CDH17: variants seen among roughly 807,000 people sequenced by gnomAD.
CDH17 encodes the protein cadherin 17, also known as cadherin-17.
In CDH17, 67 loss-of-function variants were observed where a neutral mutation model predicts 86.3. That is an observed-to-expected ratio of 0.78 (90% CI 0.64 to 0.95). The LOEUF (loss-of-function observed/expected upper bound fraction) is 0.95. CDH17 is among the 40% of genes least tolerant of loss of function. CDH17 has a pLI of 0.00. For synonymous variants in CDH17, 367 were observed against 366.4 expected, an observed-to-expected ratio of 1.00 and a Z score of -0.02; for missense variants, 993 against 1,017.6, an observed-to-expected ratio of 0.98 and a Z score of 0.33.
chr8:94,133,368 G>C (rs1041103641), intron 15 of CDH17, among the ~76,000 whole-genome samples: 4 of 152,144 alleles, frequency 2.6e-5, no homozygotes, highest in African/African-American at 4.8e-5. Context: ...TCTCCTTGAA[G>C]AGGTCCTTCA....
At chr8:94,210,407 C>T (rs1814105407), upstream of CDH17, among the ~76,000 whole-genome samples, 1 of 152,060 alleles carries the variant, frequency 6.6e-6, no homozygotes, top group Non-Finnish European at 1.5e-5. Flanking sequence ...GCCTAAACCA[C>T]CCATCAGAGA....
intron 17 of CDH17, among the ~76,000 whole-genome samples, chr8:94,128,723 C>T (rs1284007770): frequency 6.6e-6 from 1 of 152,158 alleles, no homozygotes; most frequent in African/African-American, 2.4e-5. Flanking sequence ...TATTCTTCCC[C>T]TTTCCTAGAG....
At chr8:94,198,504 A>T (rs1230592852) in intron 1 of CDH17, among the ~76,000 whole-genome samples, 1 of 152,266 alleles carries the variant, frequency 6.6e-6, no homozygotes, top group African/African-American at 2.4e-5. Context: ...AGCAAAATGT[A>T]CACGGTCAGC....
intron 3 of CDH17, among the ~76,000 whole-genome samples, chr8:94,181,436 A>T (rs1813486215): frequency 6.6e-6 from 1 of 152,120 alleles, no homozygotes; most frequent in East Asian, 1.9e-4. Context: ...ATTTAAAGGG[A>T]TTGAAGTTAT....
Position 94,146,062 on chromosome 8 carries a change from T to A in CDH17, c.2033A>T (p.His678Leu). Residue 678 changes from histidine to leucine, a missense_variant, in exon 15 of 18, where the codon CAT (histidine) becomes CTT (leucine). His to Leu is a moderately conservative substitution (Grantham distance 99). Transcript: ENST00000027335. ...GAGACTTCCAGGTGCACTGAGGGGATGGCAGAAGAACAAGCCCGTGTAGTC... is the reference window on the plus strand; with the variant it reads ...GAGACTTCCAGGTGCACTGAGGGGAAGGCAGAAGAACAAGCCCGTGTAGTC... ...AKDYTGLFFC[H>L]PLSAPGSLIF... 1 of 1,613,890 alleles carries A rather than the reference T, an allele frequency of 6.2e-7. No individual in the cohort carries two copies.
At chr8:94,151,503 G>C (rs1812855673) in intron 13 of CDH17, among the ~76,000 whole-genome samples, 1 of 152,146 alleles carries the variant, frequency 6.6e-6, no homozygotes, top group Non-Finnish European at 1.5e-5. Context: ...CACCTTTAGG[G>C]CTGGAACCCT....
chr8:94,171,625 T>C (rs1479012690), intron 7 of CDH17, among the ~76,000 whole-genome samples: 2 of 152,192 alleles, frequency 1.3e-5, no homozygotes, highest in Non-Finnish European at 2.9e-5. Flanking sequence ...ATTAATAATG[T>C]TTACTGAGTT....
intron 1 of CDH17, among the ~76,000 whole-genome samples, chr8:94,201,410 G>A (rs1358515055): frequency 6.6e-6 from 1 of 152,166 alleles, no homozygotes; most frequent in Non-Finnish European, 1.5e-5. Context: ...GTTAAAATGA[G>A]GTTGTTAGAG....
rs564187709 is a variant in CDH17, at chr8:94,189,203, C to G, written c.134G>C (p.Ser45Thr). 1.9e-6 allele frequency: 3 copies of G among 1,612,220 alleles called. No homozygotes were observed. The South Asian group carries it at 3.3e-5, about 18-fold the overall frequency. ...TFSIYEGQEP[S>T]QIIFQFKANP... ...AGCTTTTACCTGGAATATAATTTGA[C>G]TCGGTTCTTGGCCTTCATAAATAGA... The change falls in exon 3 of 18, where the codon AGT becomes ACT. Residue 45 changes from serine to threonine, a missense_variant. Ser to Thr is a moderately conservative substitution (Grantham distance 58). Transcript: ENST00000027335.
chr8:94,195,013 G>A lies in CDH17; in HGVS notation c.-20-308C>T, dbSNP rs187293523. Among the ~76,000 whole-genome samples the A allele has an allele frequency of 1.1e-3, 168 of 152,222 alleles. 1 individual carries two copies. The highest frequency in any genetic ancestry group is 3.9e-3 in the African/African-American group (160 of 41,538). ...ATGGGCAATGAGTGTTTGTTTTGGGGTTTTTGGAAACGCAGTCTCACTTTG... is the reference window on the plus strand; with the variant it reads ...ATGGGCAATGAGTGTTTGTTTTGGGATTTTTGGAAACGCAGTCTCACTTTG... On this transcript the variant is annotated intron_variant, in intron 1 of 17. Coordinates refer to ENST00000027335, the MANE Select transcript of CDH17 (RefSeq NM_004063.4).
chr8:94,155,600 T>C (rs1812931130), intron 12 of CDH17, among the ~76,000 whole-genome samples: 1 of 152,102 alleles, frequency 6.6e-6, no homozygotes, highest in Non-Finnish European at 1.5e-5. Context: ...AGACACTGTG[T>C]GTGCAAATGA....
intron 8 of CDH17, 49 bp downstream of exon 8, chr8:94,170,805 G>A (rs1367316665): frequency 1.3e-6 from 2 of 1,585,304 alleles, no homozygotes; most frequent in Non-Finnish European, 1.7e-6. Flanking sequence ...ACTGTAGATG[G>A]GCATAGGACT....
intron 2 of CDH17, among the ~76,000 whole-genome samples, chr8:94,191,288 C>G (rs1813683599): frequency 6.6e-6 from 1 of 152,094 alleles, no homozygotes; most frequent in Non-Finnish European, 1.5e-5. Flanking sequence ...AATGGTGTAG[C>G]AAAGAAAAGT....
At chr8:94,143,709 T>C (rs950815826) in intron 15 of CDH17, among the ~76,000 whole-genome samples, 2 of 152,254 alleles carry the variant, frequency 1.3e-5, no homozygotes, top group African/African-American at 4.8e-5. Flanking sequence ...GGAAATAGCT[T>C]CTTTCCTTAA....
chr8:94,159,941 C>G, intron 12 of CDH17, 30 bp downstream of exon 12: 1 of 1,551,138 alleles, frequency 6.4e-7, no homozygotes, highest in Non-Finnish European at 8.8e-7. Context: ...CAAACAAAGA[C>G]AAATTCTATT....
At chr8:94,142,900 C>G (rs535497387) in intron 15 of CDH17, among the ~76,000 whole-genome samples, 23 of 152,256 alleles carry the variant, frequency 1.5e-4, no homozygotes, top group African/African-American at 5.5e-4. Context: ...AGTGATTCCT[C>G]CACTGAAGTC....
At chr8:94,179,399 C>T (rs1277942948) in intron 3 of CDH17, among the ~76,000 whole-genome samples, 1 of 152,194 alleles carries the variant, frequency 6.6e-6, no homozygotes, top group African/African-American at 2.4e-5. Context: ...AGCAAAGAAG[C>T]AGCTGACCAA....
At chr8:94,187,472 A>G (rs1813604234) in intron 3 of CDH17, among the ~76,000 whole-genome samples, 1 of 152,218 alleles carries the variant, frequency 6.6e-6, no homozygotes, top group Non-Finnish European at 1.5e-5. Flanking sequence ...CATGGTTAAT[A>G]AAAGAAAGTC....
At chr8:94,179,646 C>G (rs1813440550) in intron 3 of CDH17, among the ~76,000 whole-genome samples, 1 of 152,138 alleles carries the variant, frequency 6.6e-6, no homozygotes, top group Admixed American at 6.6e-5. Flanking sequence ...AGGTTGTGTC[C>G]CAACATGCAC....
Sources: allele counts gnomAD v4.1 joint callset (sites outside exome capture counted in the v4.1 genomes callset), GRCh38; gene constraint gnomAD v4.1.1; transcripts MANE v1.5; gene names NCBI Gene and HGNC (gene_info 2026-07-23, HGNC 2026-07-21).